CLVS1: variants seen among roughly 807,000 people sequenced by gnomAD.
The protein encoded by CLVS1 is clavesin-1.
In CLVS1, 10 loss-of-function variants were observed where a neutral mutation model predicts 33.1. The observed-to-expected ratio is 0.30, with a 90% CI of 0.19 to 0.51. CLVS1 has a LOEUF of 0.51. Among genes scored for constraint, CLVS1 ranks in the 20% least tolerant of loss-of-function variants. The pLI, the probability that CLVS1 is intolerant of heterozygous loss-of-function variation, is 0.97. For synonymous variants in CLVS1, 163 were observed against 166.1 expected, an observed-to-expected ratio of 0.98 and a Z score of 0.14; for missense variants, 343 against 433.4, an observed-to-expected ratio of 0.79 and a Z score of 1.85.
intron 2 of CLVS1, among the ~76,000 whole-genome samples, chr8:61,209,186 A>T (rs1164715678): frequency 6.6e-6 from 1 of 152,252 alleles, no homozygotes; most frequent in South Asian, 2.1e-4. Context: ...TTTAAGGAAG[A>T]TGCAAAATGA....
rs1191217747 is a variant in CLVS1, at chr8:61,123,125, CG to C, written c.-242-8640del. 4.6e-4 allele frequency among the ~76,000 whole-genome samples: 66 copies of C among 142,502 alleles called. 8 individuals are homozygous for C. Among genetic ancestry groups the C allele is most frequent in the African/African-American group, 1.6e-3 (64 of 39,212 alleles). The allele number at this position is 142,502 out of a possible 152,430, so 93.5% of individuals were successfully genotyped here. A position where few individuals can be genotyped will look rare whatever the true frequency, so the allele number is the denominator to read the frequency against. ...TCTCTACTAAAGATACAAAATTAGCCGGGGGTGGTGGTACATGCCTGTAATC... is the reference window on the plus strand; with the variant it reads ...TCTCTACTAAAGATACAAAATTAGCCGGGGTGGTGGTACATGCCTGTAATC... On this transcript the variant is annotated intron_variant, in intron 1 of 2. Transcript: ENST00000522621.
rs149968391 is a variant in CLVS1, at chr8:61,382,044, T to G, written c.630+5265T>G. Among the ~76,000 whole-genome samples, 475 of 152,300 alleles carry G rather than the reference T, an allele frequency of 3.1e-3. 3 individuals carry two copies. Among genetic ancestry groups the G allele is most frequent in the African/African-American group, 0.011 (460 of 41,578 alleles). On this transcript the variant is annotated intron_variant, in intron 3 of 5. Coordinates refer to ENST00000325897, the MANE Select transcript of CLVS1 (RefSeq NM_173519.3). Reference sequence around the variant, plus strand: ...ACTCCTCAAACCTTGGTTTATTCTCTCTGGCTTCCTTCCCACAGCCTGCCC... The same window carrying G: ...ACTCCTCAAACCTTGGTTTATTCTCGCTGGCTTCCTTCCCACAGCCTGCCC...
chr8:61,025,092 T>C, the CLVS1 span, among the ~76,000 whole-genome samples: 1 of 152,168 alleles, frequency 6.6e-6, no homozygotes, highest in Non-Finnish European at 1.5e-5. Flanking sequence ...CAGGTGATAC[T>C]CCTGCCTCGG....
chr8:61,071,543 TC>T, intron 1 of CLVS1, among the ~76,000 whole-genome samples: 1 of 152,250 alleles, frequency 6.6e-6, no homozygotes, highest in African/African-American at 2.4e-5. Context: ...CACAATAATC[TC>T]CCCAGCTCAA....
chr8:61,232,090 A>G (rs1808458698), intron 2 of CLVS1, among the ~76,000 whole-genome samples: 1 of 125,076 alleles, frequency 8.0e-6, no homozygotes, highest in African/African-American at 3.3e-5. Flanking sequence ...GCTGGAATGT[A>G]GTGGCATGAT....
At chr8:61,016,532 G>A in the CLVS1 span, among the ~76,000 whole-genome samples, 1 of 152,180 alleles carries the variant, frequency 6.6e-6, no homozygotes, top group South Asian at 2.1e-4. Context: ...CAAACCTAGG[G>A]ACTTTACTCT....
chr8:61,012,164 T>C, the CLVS1 span, among the ~76,000 whole-genome samples: 1 of 152,192 alleles, frequency 6.6e-6, no homozygotes, highest in East Asian at 1.9e-4. Context: ...TCCTGTTTTC[T>C]TCCCTCCCAC....
At chr8:61,298,152 A>G (rs1397508279) in intron 1 of CLVS1, among the ~76,000 whole-genome samples, 1 of 151,790 alleles carries the variant, frequency 6.6e-6, no homozygotes, top group Admixed American at 6.6e-5. Context: ...GAAGGAAGAC[A>G]TTGGGTAAGG....
At chr8:61,111,187 A>T (rs1805621234) in intron 1 of CLVS1, among the ~76,000 whole-genome samples, 1 of 152,218 alleles carries the variant, frequency 6.6e-6, no homozygotes, top group African/African-American at 2.4e-5. Context: ...AATGACGCTT[A>T]AGAGAGTGTT....
chr8:61,316,388 T>A (rs1406763654), intron 2 of CLVS1, among the ~76,000 whole-genome samples: 1 of 152,228 alleles, frequency 6.6e-6, no homozygotes, highest in Non-Finnish European at 1.5e-5. Flanking sequence ...TATCAGATTC[T>A]TAAGAGCTTC....
intron 2 of CLVS1, among the ~76,000 whole-genome samples, chr8:61,325,235 G>C (rs1444032065): frequency 6.6e-6 from 1 of 151,828 alleles, no homozygotes; most frequent in Non-Finnish European, 1.5e-5. Context: ...CACACACACA[G>C]TAACTATGTG....
At chr8:61,130,156 T>C (rs1451114192) in intron 1 of CLVS1, among the ~76,000 whole-genome samples, 2 of 151,934 alleles carry the variant, frequency 1.3e-5, no homozygotes, top group African/African-American at 4.8e-5. Flanking sequence ...GAGAATTGCT[T>C]GAGCCTGGGA....
chr8:61,153,021 A>G (rs966020977), intron 2 of CLVS1, among the ~76,000 whole-genome samples: 2 of 152,158 alleles, frequency 1.3e-5, no homozygotes, highest in African/African-American at 4.8e-5. Context: ...ACAAAAAATT[A>G]GCTGGGCATG....
At chr8:60,986,700 A>G in the CLVS1 span, among the ~76,000 whole-genome samples, 1 of 152,232 alleles carries the variant, frequency 6.6e-6, no homozygotes, top group African/African-American at 2.4e-5. Flanking sequence ...ACATTTATGT[A>G]TATGCTTGCT....
At chr8:60,998,327 C>A in the CLVS1 span, among the ~76,000 whole-genome samples, 1 of 152,212 alleles carries the variant, frequency 6.6e-6, no homozygotes, top group Non-Finnish European at 1.5e-5. Context: ...TCTGCCACTT[C>A]AGCCCCCTCA....
chr8:61,211,362 CCTT>C (rs1250035513), intron 2 of CLVS1, among the ~76,000 whole-genome samples: 1 of 150,810 alleles, frequency 6.6e-6, no homozygotes, highest in African/African-American at 2.4e-5. Context: ...TCTTCCCCCT[CCTT>C]CTCCTTCTTT....
chr8:61,012,672 G>A, the CLVS1 span, among the ~76,000 whole-genome samples: 1 of 152,148 alleles, frequency 6.6e-6, no homozygotes, highest in East Asian at 1.9e-4. Context: ...GTGAGTCCTC[G>A]TCCAGCTTCA....
chr8:61,231,743 G>T (rs1434081494), intron 2 of CLVS1, among the ~76,000 whole-genome samples: 2 of 152,212 alleles, frequency 1.3e-5, no homozygotes, highest in African/African-American at 4.8e-5. Context: ...AACTGGGAAT[G>T]GGGGAGGACA....
At chr8:61,413,225 T>C (rs1315418381) in intron 3 of CLVS1, among the ~76,000 whole-genome samples, 1 of 152,214 alleles carries the variant, frequency 6.6e-6, no homozygotes, top group Non-Finnish European at 1.5e-5. Context: ...GTAGAAGATT[T>C]ATTTTATGGG....
Sources: gnomAD v4.1 joint callset for allele counts (sites outside exome capture counted in the v4.1 genomes callset) on GRCh38, gnomAD v4.1.1 for gene constraint, MANE v1.5 for transcripts, NCBI Gene and HGNC (gene_info 2026-07-23, HGNC 2026-07-21) for gene names.